Variants in STARD13 observed in about 807,000 individuals in gnomAD.
STARD13 encodes the protein StAR related lipid transfer domain containing 13.
STARD13 carries 62 observed loss-of-function variants against 106.4 expected under a neutral mutation model. The observed-to-expected ratio is 0.58, with a 90% confidence interval of 0.48 to 0.72. The LOEUF is 0.72. Among genes scored for constraint, STARD13 ranks in the 30% least tolerant of loss-of-function variants. The pLI, the probability that STARD13 is intolerant of heterozygous loss-of-function variation, is 0.00. For missense variants in STARD13, 1,387 were observed against 1,424.0 expected (o/e 0.97, Z 0.42); for synonymous variants, 565 against 553.0 (o/e 1.02, Z -0.31).
At chr13:33,655,609 T>G in the STARD13 span, among the ~76,000 whole-genome samples, 231 of 152,338 alleles carry the variant, frequency 1.5e-3, no homozygotes, top group African/African-American at 5.3e-3. Context: ...TGTCACCTAT[T>G]TATGATAATT....
intron 1 of STARD13, among the ~76,000 whole-genome samples, chr13:33,330,344 C>G (rs998179927): frequency 3.3e-5 from 5 of 152,168 alleles, no homozygotes; most frequent in African/African-American, 1.2e-4. Flanking sequence ...CTGATAATTA[C>G]AGATGTGGAG....
At chr13:33,148,435 C>T (rs1324202263) in intron 3 of STARD13, among the ~76,000 whole-genome samples, 1 of 152,198 alleles carries the variant, frequency 6.6e-6, no homozygotes, top group Non-Finnish European at 1.5e-5. Context: ...ACAGACAACT[C>T]ACTAAAGGAG....
chr13:33,403,254 G>A, the STARD13 span, among the ~76,000 whole-genome samples: 1 of 152,200 alleles, frequency 6.6e-6, no homozygotes, highest in Admixed American at 6.5e-5. Flanking sequence ...CCTGCAAGGG[G>A]GATCAGGGAA....
chr13:33,460,373 C>T, the STARD13 span, among the ~76,000 whole-genome samples: 8 of 151,624 alleles, frequency 5.3e-5, no homozygotes, highest in Non-Finnish European at 8.8e-5. Context: ...TGCCTGTAGT[C>T]CTAGGTACTC....
At chr13:33,320,522 C>A (rs1893518240) in intron 1 of STARD13, among the ~76,000 whole-genome samples, 1 of 152,204 alleles carries the variant, frequency 6.6e-6, no homozygotes, top group Non-Finnish European at 1.5e-5. Context: ...ATTTGAAATT[C>A]TTCTGAAGAT....
chr13:33,646,069 T>C, the STARD13 span, among the ~76,000 whole-genome samples: 2 of 152,122 alleles, frequency 1.3e-5, no homozygotes, highest in African/African-American at 2.4e-5. Flanking sequence ...TCAAAGCAAA[T>C]GCAAAATCAG....
At chr13:33,248,941 T>A (rs1048541247) in intron 1 of STARD13, among the ~76,000 whole-genome samples, 1 of 152,202 alleles carries the variant, frequency 6.6e-6, no homozygotes, top group Non-Finnish European at 1.5e-5. Flanking sequence ...TTTTCACTAA[T>A]AAGTTGGGAA....
Position 33,145,353 on chromosome 13 carries a change from G to T in STARD13, c.324-2980C>A, listed in dbSNP as rs140351980. 8.0e-3 allele frequency among the ~76,000 whole-genome samples: 1,215 copies of T among 152,276 alleles called. 11 individuals carry two copies. Among genetic ancestry groups the T allele is most frequent in the Non-Finnish European group, 0.011 (719 of 68,016 alleles). On this transcript the variant is annotated intron_variant, in intron 3 of 13. Transcript: ENST00000336934. ...AAAGTAAAAACGCTGACAACATTAA[G>T]TATTAGCAAGGATTCAGAACTACTG...
In STARD13 at chr13:33,110,879, C is replaced by T. The variant is rs374830984; in HGVS notation, c.2636G>A (p.Arg879His). 8.0e-5 allele frequency: 129 copies of T among 1,613,258 alleles called. No individual in the cohort carries two copies. The highest frequency in any genetic ancestry group is 2.4e-4 in the African/African-American group (18 of 74,880). ...EVPHELVAQSRNSYVEAEIHV... is the reference protein window; with the variant it reads ...EVPHELVAQSHNSYVEAEIHV... ...GATCTCAGCCTCCACATACGAGTTA[C>T]GAGACTGGGCCACCAACTCGTGTGG... The change falls in exon 11 of 14, where the codon CGT (arginine) becomes CAT (histidine). Residue 879 changes from arginine to histidine, a missense_variant. Physicochemically the swap from Arg to His is conservative, Grantham distance 29 (BLOSUM62 0). Coordinates refer to ENST00000336934, the MANE Select transcript of STARD13 (RefSeq NM_178006.4).
chr13:33,499,648 C>CTTCTT, the STARD13 span, among the ~76,000 whole-genome samples: 6 of 69,688 alleles, frequency 8.6e-5, no homozygotes, highest in East Asian at 3.0e-3. Flanking sequence ...TTCTTCTTCT[C>CTTCTT]CTTCTTCTTC....
At chr13:33,275,515 A>G (rs1891381337) in intron 1 of STARD13, among the ~76,000 whole-genome samples, 1 of 152,186 alleles carries the variant, frequency 6.6e-6, no homozygotes, top group Non-Finnish European at 1.5e-5. Flanking sequence ...AACAAAAGCT[A>G]AGAAACATTA....
intron 1 of STARD13, among the ~76,000 whole-genome samples, chr13:33,267,084 G>C (rs921114570): frequency 3.3e-5 from 5 of 152,154 alleles, no homozygotes; most frequent in African/African-American, 1.2e-4. Flanking sequence ...CTTCCAGGTG[G>C]AACACAAACT....
At chr13:33,231,357 T>C (rs917778515) in intron 1 of STARD13, among the ~76,000 whole-genome samples, 14 of 152,188 alleles carry the variant, frequency 9.2e-5, no homozygotes, top group Admixed American at 5.9e-4. Flanking sequence ...GGCTCAGGCC[T>C]GGCACATGGG....
chr13:33,119,865 A>G (rs942924238), intron 7 of STARD13, among the ~76,000 whole-genome samples: 1 of 152,240 alleles, frequency 6.6e-6, no homozygotes, highest in African/African-American at 2.4e-5. Flanking sequence ...GACAATATTT[A>G]TCTTCCTTCA....
At chr13:33,142,657 T>C (rs1043184259) in intron 3 of STARD13, among the ~76,000 whole-genome samples, 5 of 152,212 alleles carry the variant, frequency 3.3e-5, no homozygotes, top group African/African-American at 9.6e-5. Flanking sequence ...TTGGAATCCA[T>C]GGCTGATCAT....
At chr13:33,216,178 T>C (rs931709488) in intron 1 of STARD13, among the ~76,000 whole-genome samples, 1 of 152,124 alleles carries the variant, frequency 6.6e-6, no homozygotes, top group Non-Finnish European at 1.5e-5. Context: ...GAACTAAAAG[T>C]AGAACTGCCA....
At chr13:33,458,801 G>A in the STARD13 span, among the ~76,000 whole-genome samples, 1 of 148,702 alleles carries the variant, frequency 6.7e-6, no homozygotes, top group East Asian at 2.0e-4. Context: ...GGAACAATCT[G>A]CACAACATGT....
At chr13:33,453,351 C>T in the STARD13 span, among the ~76,000 whole-genome samples, 3 of 152,302 alleles carry the variant, frequency 2.0e-5, no homozygotes, top group Admixed American at 6.5e-5. Flanking sequence ...CTGGACACAT[C>T]GCCCTGGAAA....
the STARD13 span, among the ~76,000 whole-genome samples, chr13:33,662,453 T>A: frequency 6.6e-6 from 1 of 152,190 alleles, no homozygotes; most frequent in African/African-American, 2.4e-5. Flanking sequence ...GGAATGGATA[T>A]GTTACCACTC....
Sources: allele counts gnomAD v4.1 joint callset (sites outside exome capture counted in the v4.1 genomes callset), GRCh38; gene constraint gnomAD v4.1.1; transcripts MANE v1.5; gene names NCBI Gene and HGNC (gene_info 2026-07-23, HGNC 2026-07-21).